CSMD1: variants seen among roughly 807,000 people sequenced by gnomAD.
CSMD1 encodes the protein CUB and Sushi multiple domains 1, also known as CUB and sushi domain-containing protein 1.
CSMD1 carries 213 observed loss-of-function variants against 417.5 expected under a neutral mutation model. That is an observed-to-expected ratio of 0.51 (90% CI 0.46 to 0.57). CSMD1 has a LOEUF of 0.57. Among genes scored for constraint, CSMD1 ranks in the 20% least tolerant of loss-of-function variants. The pLI, the probability that CSMD1 is intolerant of heterozygous loss-of-function variation, is 0.00. For missense variants in CSMD1, 6,923 were observed against 4,529.7 expected, an observed-to-expected ratio of 1.53 and a Z score of -15.17; for synonymous variants, 2,862 against 1,736.8, an observed-to-expected ratio of 1.65 and a Z score of -16.11.
intron 1 of CSMD1, among the ~76,000 whole-genome samples, chr8:4,663,647 T>C: frequency 6.6e-6 from 1 of 152,290 alleles, no homozygotes; most frequent in Non-Finnish European, 1.5e-5. Context: ...ACTATGATTG[T>C]TTTAAGTTCC....
intron 3 of CSMD1, among the ~76,000 whole-genome samples, chr8:4,287,387 C>A (rs1797117386): frequency 6.6e-6 from 1 of 152,126 alleles, no homozygotes; most frequent in Non-Finnish European, 1.5e-5. Flanking sequence ...TGTAATGGAA[C>A]AACATCCCAT....
At chr8:3,320,994 C>A (rs144431027) in intron 23 of CSMD1, among the ~76,000 whole-genome samples, 1 of 152,142 alleles carries the variant, frequency 6.6e-6, no homozygotes, top group Admixed American at 6.5e-5. Context: ...GCCGTGAGTT[C>A]CATCTCTTCC....
rs942073173 is a variant in CSMD1, at chr8:4,453,045, C to T, written c.303-32980G>A. On this transcript the variant is annotated intron_variant, in intron 2 of 69. Transcript: ENST00000635120. ...TTAAGGGACAACTTAGATTTTCAAG[C>T]ATGTTGTGCTAGGACCATGAATGGT... Among the ~76,000 whole-genome samples the T allele has an allele frequency of 7.2e-5, 11 of 152,228 alleles. No individual in the cohort carries two copies. In the South Asian group the frequency reaches 1.7e-3, roughly 23 times the overall value.
intron 3 of CSMD1, among the ~76,000 whole-genome samples, chr8:4,290,421 A>G (rs1390791638): frequency 6.6e-6 from 1 of 152,232 alleles, no homozygotes; most frequent in Non-Finnish European, 1.5e-5. Context: ...GGTCTCTAAC[A>G]TGAGATTTGA....
At chr8:4,836,196 G>A (rs1222029240) in intron 1 of CSMD1, among the ~76,000 whole-genome samples, 1 of 152,120 alleles carries the variant, frequency 6.6e-6, no homozygotes, top group Non-Finnish European at 1.5e-5. Flanking sequence ...AATTGATTCA[G>A]GCATTCATCT....
chr8:3,604,279 G>C (rs1801499121), intron 8 of CSMD1, among the ~76,000 whole-genome samples: 1 of 152,134 alleles, frequency 6.6e-6, no homozygotes, highest in Admixed American at 6.5e-5. Flanking sequence ...GAAAGTCAAA[G>C]GCCAGAGGGA....
In CSMD1 at chr8:3,911,420, C is replaced by G. The variant is rs544905637; in HGVS notation, c.818+86483G>C. 5.3e-5 allele frequency among the ~76,000 whole-genome samples: 8 copies of G among 151,324 alleles called. No individual in the cohort carries two copies. The East Asian group carries it at 1.4e-3, about 26-fold the overall frequency. On this transcript the variant is annotated intron_variant, in intron 5 of 69. Transcript: ENST00000635120. The stretch of plus-strand genomic sequence containing the variant: ...GCGGGCGCCTGTGATCCCAGTTACT[C>G]GGGAGGCTGAGGCAGGAGAATGGCG...
At chr8:3,967,618 A>G (rs1381787451) in intron 5 of CSMD1, among the ~76,000 whole-genome samples, 1 of 152,166 alleles carries the variant, frequency 6.6e-6, no homozygotes, top group African/African-American at 2.4e-5. Flanking sequence ...ATTTATTTTT[A>G]CGTGCATTAC....
intron 1 of CSMD1, among the ~76,000 whole-genome samples, chr8:4,982,977 A>C (rs1810980278): frequency 6.6e-6 from 1 of 152,200 alleles, no homozygotes; most frequent in Admixed American, 6.5e-5. Flanking sequence ...GGAGAGATAA[A>C]ATAGTCATGA....
At chr8:4,063,757 A>G (rs956767531) in intron 3 of CSMD1, among the ~76,000 whole-genome samples, 1 of 152,246 alleles carries the variant, frequency 6.6e-6, no homozygotes, top group South Asian at 2.1e-4. Flanking sequence ...TTTTGAATCT[A>G]AATTTCATAT....
intron 3 of CSMD1, among the ~76,000 whole-genome samples, chr8:4,272,002 A>C (rs1260505336): frequency 6.6e-6 from 1 of 152,144 alleles, no homozygotes; most frequent in Non-Finnish European, 1.5e-5. Flanking sequence ...CATCCCCGTG[A>C]ATACTCTATT....
At chr8:4,377,185 T>C (rs1282452251) in intron 3 of CSMD1, among the ~76,000 whole-genome samples, 1 of 152,226 alleles carries the variant, frequency 6.6e-6, no homozygotes. Flanking sequence ...TGGAATTGAT[T>C]ACACATCTTT....
chr8:4,907,499 C>A (rs982425451), intron 1 of CSMD1, among the ~76,000 whole-genome samples: 14 of 148,874 alleles, frequency 9.4e-5, no homozygotes, highest in Non-Finnish European at 1.5e-5. Flanking sequence ...CTCATAACAT[C>A]TTACTAGAAT....
chr8:4,591,938 C>G (rs1800007879), intron 2 of CSMD1, among the ~76,000 whole-genome samples: 1 of 152,028 alleles, frequency 6.6e-6, no homozygotes, highest in Non-Finnish European at 1.5e-5. Flanking sequence ...GGAGGAAAGG[C>G]AGCTGCTAGT....
intron 3 of CSMD1, among the ~76,000 whole-genome samples, chr8:4,328,337 G>C (rs1280417054): frequency 6.7e-6 from 1 of 149,392 alleles, no homozygotes; most frequent in African/African-American, 2.5e-5. Flanking sequence ...TGCGGTCTGA[G>C]ACTTCTCTCT....
intron 5 of CSMD1, among the ~76,000 whole-genome samples, chr8:3,937,633 G>T (rs1438188974): frequency 6.6e-6 from 1 of 152,110 alleles, no homozygotes; most frequent in East Asian, 1.9e-4. Flanking sequence ...TTGCTTTCTT[G>T]CAGTCATCTG....
chr8:3,029,636 T>C, intron 50 of CSMD1, 123 bp from the exon 51 acceptor site: 19 of 730,576 alleles, frequency 2.6e-5, no homozygotes, highest in Non-Finnish European at 3.8e-5. Flanking sequence ...TTGATGCCAT[T>C]ACGTATTATC....
chr8:3,978,452 CAGGCATTATTGTA>C (rs796104479), intron 5 of CSMD1, among the ~76,000 whole-genome samples: 73 of 152,218 alleles, frequency 4.8e-4, no homozygotes, highest in African/African-American at 1.7e-3. Context: ...CCTACCAATA[CAGGCATTATTGTA>C]AGAAATCCAT....
At chr8:4,153,198 T>G (rs1208061657) in intron 3 of CSMD1, among the ~76,000 whole-genome samples, 1 of 152,206 alleles carries the variant, frequency 6.6e-6, no homozygotes, top group Non-Finnish European at 1.5e-5. Context: ...GTTCCTGCTT[T>G]GCCGCTAACT....
Sources: gnomAD v4.1 joint callset for allele counts (sites outside exome capture counted in the v4.1 genomes callset) on GRCh38, gnomAD v4.1.1 for gene constraint, MANE v1.5 for transcripts, NCBI Gene and HGNC (gene_info 2026-07-23, HGNC 2026-07-21) for gene names.